DERA: variants seen among roughly 807,000 people sequenced by gnomAD.
DERA encodes 2-deoxy-D-ribose 5-phosphate aldolase.
In DERA, 15 loss-of-function variants were observed where a neutral mutation model predicts 41.1. The ratio of observed to expected loss-of-function variants is 0.37; its 90% confidence interval spans 0.24 to 0.56. The LOEUF (loss-of-function observed/expected upper bound fraction) is 0.56. DERA is among the 20% of genes least tolerant of loss of function. The probability of loss-of-function intolerance (pLI) is 0.81; values close to 1 mark genes in which losing one functional copy is unlikely to be tolerated. For missense variants in DERA, 396 were observed against 403.4 expected, an observed-to-expected ratio of 0.98 and a Z score of 0.16; for synonymous variants, 139 against 137.4, an observed-to-expected ratio of 1.01 and a Z score of -0.08.
chr12:16,035,118 G>A lies in DERA; in HGVS notation c.751-1114G>A, dbSNP rs1340674840. 1.3e-5 allele frequency among the ~76,000 whole-genome samples: 2 copies of A among 152,208 alleles called. No individual in the cohort carries two copies. Among genetic ancestry groups the A allele is most frequent in the Admixed American group, 6.5e-5 (1 of 15,276 alleles). ...TTGATAAGGGTCTAAACTGAAACAA[G>A]TGAGAGTGCAGTGGAAAGAGTGCAT... On this transcript the variant is annotated intron_variant, in intron 7 of 8. Transcript: ENST00000428559. This position sits in a 1 kb window ranked among gnomAD's most constrained non-coding sequence, Gnocchi z 4.1.
rs527468389 is a variant in DERA, at chr12:15,949,331, C to T, written c.32-7605C>T. Among the ~76,000 whole-genome samples the T allele has an allele frequency of 1.1e-4, 17 of 152,254 alleles. No individual in the cohort carries two copies. In the South Asian group the frequency reaches 1.5e-3, roughly 13 times the overall value. ...ACAGAGGCAGGCAGGCCTCCTGGAG[C>T]GGTGGTGGGCTACACCCAGTTCGAG... On this transcript the variant is annotated intron_variant, in intron 1 of 8. Coordinates refer to ENST00000428559, the MANE Select transcript of DERA (RefSeq NM_015954.4).
At position 15,984,057 on chromosome 12, in the gene DERA, G is replaced by A. The variant is rs536331437; in HGVS notation, c.637+1621G>A. On this transcript the variant is annotated intron_variant, in intron 6 of 8. Transcript: ENST00000428559. This position sits in a 1 kb window ranked among gnomAD's most constrained non-coding sequence, Gnocchi z 4.5. ...TGCTTGCCAGCACAAGTGATTGTTAGCCCAGGTAACAAAGTAAAAGTTTGG... is the reference window on the plus strand; with the variant it reads ...TGCTTGCCAGCACAAGTGATTGTTAACCCAGGTAACAAAGTAAAAGTTTGG... 6.6e-6 allele frequency among the ~76,000 whole-genome samples: 1 copy of A among 152,272 alleles called. No individual in the cohort carries two copies. Among genetic ancestry groups the A allele is most frequent in the Non-Finnish European group, 1.5e-5 (1 of 68,020 alleles).
rs979877735 is a variant in DERA, at chr12:16,000,062, G to T, written c.637+17626G>T. On this transcript the variant is annotated intron_variant, in intron 6 of 8. Coordinates refer to ENST00000428559, the MANE Select transcript of DERA (RefSeq NM_015954.4). This position sits in a 1 kb window ranked among gnomAD's most constrained non-coding sequence, Gnocchi z 4.8. ...AGAGTAGATGCCTGTGGGACATATC[G>T]GGGGGCAAATTTGATTGTGCTTGGT... Among the ~76,000 whole-genome samples the T allele has an allele frequency of 2.0e-5, 3 of 152,104 alleles. No homozygotes were observed. The highest frequency in any genetic ancestry group is 6.6e-5 in the Admixed American group (1 of 15,212).
In DERA at chr12:15,996,910, T is replaced by G. The variant is rs1290411564; in HGVS notation, c.637+14474T>G. Among the ~76,000 whole-genome samples, 2 of 152,152 alleles carry G rather than the reference T, an allele frequency of 1.3e-5. No individual in the cohort carries two copies. The highest frequency in any genetic ancestry group is 4.8e-5 in the African/African-American group (2 of 41,420). On this transcript the variant is annotated intron_variant, in intron 6 of 8. Transcript: ENST00000428559. The surrounding 1 kb of genome is among the most constrained non-coding windows in gnomAD (Gnocchi z 4.7). ...ATTTTTATCTGCAAAAAGCATTTGGTAAGGTTCTCAATGGGAGATTAATGA... is the reference window on the plus strand; with the variant it reads ...ATTTTTATCTGCAAAAAGCATTTGGGAAGGTTCTCAATGGGAGATTAATGA...
chr12:15,941,167 G>A lies in DERA; in HGVS notation c.32-15769G>A, dbSNP rs371319028. 2.6e-5 allele frequency among the ~76,000 whole-genome samples: 4 copies of A among 152,132 alleles called. No homozygotes were observed. Among genetic ancestry groups the A allele is most frequent in the Admixed American group, 6.5e-5 (1 of 15,284 alleles). On this transcript the variant is annotated intron_variant, in intron 1 of 8. Coordinates refer to ENST00000428559, the MANE Select transcript of DERA (RefSeq NM_015954.4). This position sits in a 1 kb window ranked among gnomAD's most constrained non-coding sequence, Gnocchi z 4.5. ...TCTGCAAGGAACCTAGTGATTTCCC[G>A]TACATATTTCATGTTCACCTAATCT...
chr12:16,032,563 C>T lies in DERA; in HGVS notation c.659C>T (p.Ser220Phe). Reference sequence around the variant, plus strand: ...TTAGGATCAGATTTTATTAAGACCTCTACTGGAAAAGAAACAGTAAATGCC... The same window carrying T: ...TTAGGATCAGATTTTATTAAGACCTTTACTGGAAAAGAAACAGTAAATGCC... ...MMAGSDFIKT[S>F]TGKETVNATF... The change falls in exon 7 of 9, where the codon TCT (serine) becomes TTT (phenylalanine). Residue 220 changes from serine (S) to phenylalanine (F), a missense_variant. By Grantham distance (155) the Ser-to-Phe change is radical. Transcript: ENST00000428559. The T allele has an allele frequency of 3.2e-6, 5 of 1,548,206 alleles. No homozygotes were observed. The highest frequency in any genetic ancestry group is 4.4e-6 in the Non-Finnish European group (5 of 1,146,714).
In DERA at chr12:15,927,643, C is replaced by T. The variant is rs1948297029; in HGVS notation, c.31+16229C>T. Among the ~76,000 whole-genome samples the T allele has an allele frequency of 3.9e-5, 6 of 152,182 alleles. No individual in the cohort carries two copies. In the South Asian group the frequency reaches 1.0e-3, roughly 26 times the overall value. On this transcript the variant is annotated intron_variant, in intron 1 of 8. Coordinates refer to ENST00000428559, the MANE Select transcript of DERA (RefSeq NM_015954.4). ...TTGTATGAAAAGTAATCAACTTGCCCATAGTCATACGGCTAGCAAGAGAAT... is the reference window on the plus strand; with the variant it reads ...TTGTATGAAAAGTAATCAACTTGCCTATAGTCATACGGCTAGCAAGAGAAT...
chr12:15,967,788 G>A lies in DERA; in HGVS notation c.508+4841G>A, dbSNP rs111438485. On this transcript the variant is annotated intron_variant, in intron 5 of 8. Transcript: ENST00000428559. This position sits in a 1 kb window ranked among gnomAD's most constrained non-coding sequence, Gnocchi z 4.9. ...CTCCTGTCTAGCTGGACATGGAAACGTGGATAACTACATTTCTCACTTACC... is the reference window on the plus strand; with the variant it reads ...CTCCTGTCTAGCTGGACATGGAAACATGGATAACTACATTTCTCACTTACC... 0.018 allele frequency among the ~76,000 whole-genome samples: 2,683 copies of A among 152,286 alleles called. 86 individuals are homozygous for A. The highest frequency in any genetic ancestry group is 0.061 in the African/African-American group (2,555 of 41,550).
chr12:15,946,599 A>C (rs564951136), intron 1 of DERA, among the ~76,000 whole-genome samples: 1 of 150,222 alleles, frequency 6.7e-6, no homozygotes, highest in Non-Finnish European at 1.5e-5. Context: ...TATTGCATCT[A>C]TTTGATTCTT....
intron 3 of DERA, among the ~76,000 whole-genome samples, chr12:15,958,552 C>T (rs112051172): frequency 1.4e-4 from 19 of 138,180 alleles, no homozygotes; most frequent in African/African-American, 5.1e-4. Flanking sequence ...TTCTTTCCAT[C>T]AATGGATTAA....
At position 16,037,111 on chromosome 12, in the gene DERA, C is replaced by T. The variant is rs982844830; in HGVS notation, c.*365C>T. ...CCTAGCAGAGGAAAATGCAACATCTCGCAAGCGCTGCTGTAACGACTTCAG... is the reference window on the plus strand; with the variant it reads ...CCTAGCAGAGGAAAATGCAACATCTTGCAAGCGCTGCTGTAACGACTTCAG... On this transcript the variant is annotated 3_prime_UTR_variant, in exon 9 of 9. Coordinates refer to ENST00000428559, the MANE Select transcript of DERA (RefSeq NM_015954.4). The surrounding 1 kb of genome is among the most constrained non-coding windows in gnomAD (Gnocchi z 6.7). The T allele has an allele frequency of 2.1e-5, 4 of 186,852 alleles. No individual in the cohort carries two copies. The highest frequency in any genetic ancestry group is 1.7e-4 in the East Asian group (1 of 5,780). 11.6% of individuals were successfully genotyped at this position (186,852 alleles called of 1,614,324 possible).
In DERA at chr12:15,965,048, C is replaced by G. The variant is rs116935700; in HGVS notation, c.508+2101C>G. Among the ~76,000 whole-genome samples the G allele has an allele frequency of 6.6e-6, 1 of 152,054 alleles. No individual in the cohort carries two copies. The highest frequency in any genetic ancestry group is 2.4e-5 in the African/African-American group (1 of 41,394). On this transcript the variant is annotated intron_variant, in intron 5 of 8. Coordinates refer to ENST00000428559, the MANE Select transcript of DERA (RefSeq NM_015954.4). This position sits in a 1 kb window ranked among gnomAD's most constrained non-coding sequence, Gnocchi z 4.1. ...TAGAAATTTAATTCTAAATAGAAAC[C>G]TGAAATGACTTAGGACTTTTTGCTG...
rs2136169316 is a variant in DERA at position 15,994,166 on chromosome 12, G to A, written c.637+11730G>A. Among the ~76,000 whole-genome samples the A allele has an allele frequency of 6.6e-6, 1 of 152,324 alleles. No homozygotes were observed. Among genetic ancestry groups the A allele is most frequent in the East Asian group, 1.9e-4 (1 of 5,186 alleles). Reference sequence around the variant, plus strand: ...GTGCAAAGACTGGTACATAGTAAATGCCTAGTACATGCTTGCTGATAGATT... The same window carrying A: ...GTGCAAAGACTGGTACATAGTAAATACCTAGTACATGCTTGCTGATAGATT... On this transcript the variant is annotated intron_variant, in intron 6 of 8. Coordinates refer to ENST00000428559, the MANE Select transcript of DERA (RefSeq NM_015954.4). The surrounding 1 kb of genome is among the most constrained non-coding windows in gnomAD (Gnocchi z 4.8).
rs925788398 is a variant in DERA, at chr12:15,915,688, G to A, written c.31+4274G>A. On this transcript the variant is annotated intron_variant, in intron 1 of 8. Coordinates refer to ENST00000428559, the MANE Select transcript of DERA (RefSeq NM_015954.4). The surrounding 1 kb of genome is among the most constrained non-coding windows in gnomAD (Gnocchi z 4.8). The stretch of plus-strand genomic sequence containing the variant: ...TTAATACCTACTGTGTGCAGACACT[G>A]TGCTTAGGTGCTGGGTATAATGATA... 6.6e-6 allele frequency among the ~76,000 whole-genome samples: 1 copy of A among 152,180 alleles called. No homozygotes were observed. Among genetic ancestry groups the A allele is most frequent in the African/African-American group, 2.4e-5 (1 of 41,444 alleles).
rs1948754461 is a variant in DERA, at chr12:15,984,916, A to T, written c.637+2480A>T. ...TGCACAAACTAATCTCCCCAAAAGT[A>T]ATTTACAAATTTCTGACTAAATTCT... On this transcript the variant is annotated intron_variant, in intron 6 of 8. Transcript: ENST00000428559. The surrounding 1 kb of genome is among the most constrained non-coding windows in gnomAD (Gnocchi z 4.5). 6.6e-6 allele frequency among the ~76,000 whole-genome samples: 1 copy of T among 152,208 alleles called. No homozygotes were observed. The highest frequency in any genetic ancestry group is 1.5e-5 in the Non-Finnish European group (1 of 68,024).
chr12:15,986,542 T>C (rs1355150762), intron 6 of DERA, among the ~76,000 whole-genome samples: 1 of 152,208 alleles, frequency 6.6e-6, no homozygotes, highest in Admixed American at 6.5e-5. Context: ...TTTCACAGTC[T>C]ACTTGGAATT....
intron 5 of DERA, among the ~76,000 whole-genome samples, chr12:15,969,583 T>C (rs1948646343): frequency 6.6e-6 from 1 of 152,236 alleles, no homozygotes; most frequent in Non-Finnish European, 1.5e-5. Context: ...AATTGCTCTC[T>C]TAAATCTGGC....
intron 6 of DERA, among the ~76,000 whole-genome samples, chr12:16,029,156 C>T (rs953222087): frequency 3.3e-5 from 5 of 152,098 alleles, no homozygotes; most frequent in East Asian, 3.9e-4. Flanking sequence ...ACAAACTGGC[C>T]GGGCGCGGTG....
rs756836056 is a variant in DERA, at chr12:16,026,323, T to A, written c.638-6219T>A. 7.4e-4 allele frequency among the ~76,000 whole-genome samples: 112 copies of A among 151,398 alleles called. No individual in the cohort carries two copies. The Middle Eastern group carries it at 0.014, about 18-fold the overall frequency. Reference sequence around the variant, plus strand: ...AATCAAGAATAAAAGAGAAAAGACATAAATTACCCATATCGGAAATGAAAG... The same window carrying A: ...AATCAAGAATAAAAGAGAAAAGACAAAAATTACCCATATCGGAAATGAAAG... On this transcript the variant is annotated intron_variant, in intron 6 of 8. Transcript: ENST00000428559. This position sits in a 1 kb window ranked among gnomAD's most constrained non-coding sequence, Gnocchi z 4.4.
Sources: allele counts gnomAD v4.1 joint callset (sites outside exome capture counted in the v4.1 genomes callset), GRCh38; gene constraint gnomAD v4.1.1; non-coding constraint Gnocchi (gnomAD v3.1); transcripts MANE v1.5; gene names NCBI Gene and HGNC (gene_info 2026-07-23, HGNC 2026-07-21).